The following SOX5 variants were observed in gnomAD, a reference collection of about 807,000 sequenced individuals.
SOX5 encodes the protein SRY-box transcription factor 5.
A neutral mutation model predicts 92.0 loss-of-function variants in SOX5; 9 were observed. The ratio of observed to expected loss-of-function variants is 0.10; its 90% CI spans 0.06 to 0.17. SOX5 has a LOEUF of 0.17. Among genes scored for constraint, SOX5 ranks in the 10% least tolerant of loss-of-function variants. The pLI, the probability that SOX5 is intolerant of heterozygous loss-of-function variation, is 1.00. For synonymous variants in SOX5, 344 were observed against 336.3 expected (o/e 1.02, Z -0.25); for missense variants, 642 against 944.5 (o/e 0.68, Z 4.20).
At chr12:23,819,643 T>C (rs1466476450) in intron 3 of SOX5, among the ~76,000 whole-genome samples, 3 of 152,176 alleles carry the variant, frequency 2.0e-5, no homozygotes, top group African/African-American at 4.8e-5. Flanking sequence ...GTGTTCTCAT[T>C]GTTCAACTCC....
At position 24,314,326 on chromosome 12, in the gene SOX5, C is replaced by T. The variant is rs181075827; in HGVS notation, c.-173-37014G>A. ...CATAGTACTCCATGGTGTATATGTG[C>T]CACACAGGAAGGGGAACATCACACA... On this transcript the variant is annotated intron_variant, in intron 2 of 4. Coordinates refer to the SOX5 transcript ENST00000446891. Among the ~76,000 whole-genome samples the T allele has an allele frequency of 6.2e-5, 9 of 144,850 alleles. No homozygotes were observed. The East Asian group carries it at 1.8e-3, about 30-fold the overall frequency.
chr12:24,339,906 TC>T (rs1952376013), intron 2 of SOX5, among the ~76,000 whole-genome samples: 1 of 152,176 alleles, frequency 6.6e-6, no homozygotes, highest in African/African-American at 2.4e-5. Flanking sequence ...AGGCACTGCC[TC>T]CCCCAGGGTA....
At position 23,825,001 on chromosome 12, in the gene SOX5, T is replaced by C. The variant is rs994504864; in HGVS notation, c.481+20982A>G. On this transcript the variant is annotated intron_variant, in intron 3 of 14. Coordinates refer to ENST00000451604, the MANE Select transcript of SOX5 (RefSeq NM_006940.6). ...TGCTGTGCTGACAGTGAGAATTAGA[T>C]GCCAGTGGATCTTGGCTTGCTGGGC... 2.0e-5 allele frequency among the ~76,000 whole-genome samples: 3 copies of C among 152,166 alleles called. No homozygotes were observed. In the South Asian group the frequency reaches 6.2e-4, roughly 32 times the overall value.
intron 1 of SOX5, among the ~76,000 whole-genome samples, chr12:24,372,960 A>AG (rs1157297635): frequency 6.6e-6 from 1 of 151,612 alleles, no homozygotes; most frequent in African/African-American, 2.4e-5. Context: ...CCAAAAAAAA[A>AG]AAAAAAAAAC....
At chr12:23,617,889 G>A (rs1292882527) in intron 8 of SOX5, among the ~76,000 whole-genome samples, 5 of 152,138 alleles carry the variant, frequency 3.3e-5, no homozygotes, top group Non-Finnish European at 4.4e-5. Context: ...TTTCTCTTTC[G>A]CTCACTCCCT....
At chr12:24,212,124 C>A (rs1437261318) in intron 4 of SOX5, among the ~76,000 whole-genome samples, 1 of 152,150 alleles carries the variant, frequency 6.6e-6, no homozygotes, top group Non-Finnish European at 1.5e-5. Context: ...AGGACTCTTA[C>A]CATTTAGCTA....
At chr12:24,427,938 A>AT (rs1395125603) in intron 1 of SOX5, among the ~76,000 whole-genome samples, 5 of 152,184 alleles carry the variant, frequency 3.3e-5, no homozygotes, top group Admixed American at 2.0e-4. Flanking sequence ...CTAAATATTG[A>AT]TTTTTCAGGG....
intron 3 of SOX5, among the ~76,000 whole-genome samples, chr12:23,812,805 C>T (rs1277533709): frequency 6.6e-6 from 1 of 152,108 alleles, no homozygotes; most frequent in African/African-American, 2.4e-5. Flanking sequence ...CTCAGGAACA[C>T]ACTATTCTCA....
intron 3 of SOX5, among the ~76,000 whole-genome samples, chr12:24,263,225 A>G (rs140105445): frequency 1.9e-3 from 283 of 150,422 alleles, no homozygotes; most frequent in Middle Eastern, 0.01. Context: ...ACTCCATCTT[A>G]AAAAAAGGAA....
At chr12:24,007,060 G>A (rs1460846383) in intron 4 of SOX5, among the ~76,000 whole-genome samples, 1 of 148,400 alleles carries the variant, frequency 6.7e-6, no homozygotes, top group Non-Finnish European at 1.5e-5. Context: ...TTGAACCCAG[G>A]AGGTGGAGGT....
intron 3 of SOX5, among the ~76,000 whole-genome samples, chr12:24,224,625 T>C (rs1389305482): frequency 6.6e-6 from 1 of 152,158 alleles, no homozygotes; most frequent in East Asian, 1.9e-4. Context: ...TGAATTTCAC[T>C]TCATCAGCCA....
intron 1 of SOX5, among the ~76,000 whole-genome samples, chr12:23,904,908 C>T (rs186896925): frequency 1.2e-3 from 179 of 152,164 alleles, no homozygotes; most frequent in Middle Eastern, 0.01. Flanking sequence ...CAGCCTCTTC[C>T]GTGCCACCAA....
intron 4 of SOX5, among the ~76,000 whole-genome samples, chr12:24,077,608 C>G (rs1242074049): frequency 1.1e-4 from 17 of 151,482 alleles, no homozygotes; most frequent in Admixed American, 1.1e-3. Context: ...TACACAAAAT[C>G]AATATGTATG....
chr12:24,057,046 C>T (rs956222723), intron 4 of SOX5, among the ~76,000 whole-genome samples: 4 of 143,692 alleles, frequency 2.8e-5, no homozygotes, highest in African/African-American at 1.0e-4. Context: ...GTTCATGTTA[C>T]AAATCTTCTA....
At chr12:23,671,595 C>T (rs1282833426) in intron 6 of SOX5, among the ~76,000 whole-genome samples, 1 of 152,108 alleles carries the variant, frequency 6.6e-6, no homozygotes, top group Non-Finnish European at 1.5e-5. Context: ...TCAATGACCG[C>T]TAATAGTCTG....
chr12:23,535,781 G>C (rs147780810), intron 14 of SOX5, among the ~76,000 whole-genome samples: 1 of 152,298 alleles, frequency 6.6e-6, no homozygotes, highest in Non-Finnish European at 1.5e-5. Context: ...GAAGCTCTTA[G>C]AAACTAACTT....
chr12:23,779,701 G>A (rs2095220874), intron 3 of SOX5, among the ~76,000 whole-genome samples: 1 of 149,042 alleles, frequency 6.7e-6, no homozygotes, highest in South Asian at 2.1e-4. Flanking sequence ...TCTGTTTTCT[G>A]GCAACTTCTT....
intron 4 of SOX5, among the ~76,000 whole-genome samples, chr12:24,155,135 A>G (rs1952035369): frequency 6.6e-6 from 1 of 152,136 alleles, no homozygotes; most frequent in Admixed American, 6.6e-5. Context: ...AAAGTCCTCT[A>G]TAAATATTTG....
chr12:24,057,821 A>T (rs1456836001), intron 4 of SOX5, among the ~76,000 whole-genome samples: 1 of 152,232 alleles, frequency 6.6e-6, no homozygotes, highest in Non-Finnish European at 1.5e-5. Context: ...AGGAACTGTA[A>T]GATGACACTC....
Sources: allele counts gnomAD v4.1 joint callset (sites outside exome capture counted in the v4.1 genomes callset), GRCh38; gene constraint gnomAD v4.1.1; transcripts MANE v1.5; gene names NCBI Gene and HGNC (gene_info 2026-07-23, HGNC 2026-07-21).